Variants in KCNMB2 observed in about 807,000 individuals in gnomAD.
The protein encoded by KCNMB2 is potassium calcium-activated channel subfamily M regulatory beta subunit 2, also known as calcium-activated potassium channel subunit beta-2.
In KCNMB2, 9 loss-of-function variants were observed where a neutral mutation model predicts 24.5. The observed-to-expected ratio is 0.37, with a 90% CI of 0.22 to 0.64. KCNMB2 has a LOEUF of 0.64. Ranked by LOEUF, KCNMB2 falls within the 30% of genes least tolerant of loss-of-function variation. The pLI is 0.63. For missense variants in KCNMB2, 226 were observed against 284.3 expected, an observed-to-expected ratio of 0.79 and a Z score of 1.47; for synonymous variants, 109 against 104.4, an observed-to-expected ratio of 1.04 and a Z score of -0.27.
chr3:178,676,330 C>T (rs976308586), intron 1 of KCNMB2, among the ~76,000 whole-genome samples: 6 of 152,152 alleles, frequency 3.9e-5, no homozygotes, highest in African/African-American at 1.2e-4. Flanking sequence ...CAGTCTAATC[C>T]TTGGCAGACA....
intron 1 of KCNMB2, among the ~76,000 whole-genome samples, chr3:178,712,662 T>C (rs1380247248): frequency 6.6e-6 from 1 of 152,188 alleles, no homozygotes; most frequent in Non-Finnish European, 1.5e-5. Context: ...ACTTTACAGA[T>C]GGGGAACCTA....
chr3:178,837,175 G>A (rs3856778), intron 4 of KCNMB2, among the ~76,000 whole-genome samples: 98,016 of 152,046 alleles, frequency 0.64, 33,509 homozygotes, highest in African/African-American at 0.87. Context: ...TAATTTTCTC[G>A]TCTTAGAGAT....
chr3:178,837,243 T>A (rs965260482), intron 4 of KCNMB2, among the ~76,000 whole-genome samples: 1 of 152,182 alleles, frequency 6.6e-6, no homozygotes, highest in Admixed American at 6.6e-5. Flanking sequence ...TGTGGACAAA[T>A]GTGAAATTCC....
chr3:178,790,359 ACTT>A (rs1406679351), intron 1 of KCNMB2, among the ~76,000 whole-genome samples: 1 of 151,788 alleles, frequency 6.6e-6, no homozygotes, highest in Non-Finnish European at 1.5e-5. Context: ...ATAGAGAGAG[ACTT>A]CTTCTGTTGA....
At chr3:178,660,140 T>G (rs1279678295) in intron 1 of KCNMB2, among the ~76,000 whole-genome samples, 1 of 152,186 alleles carries the variant, frequency 6.6e-6, no homozygotes, top group Non-Finnish European at 1.5e-5. Flanking sequence ...CCATTTCTGC[T>G]ACTTATTACT....
intron 2 of KCNMB2, among the ~76,000 whole-genome samples, chr3:178,822,746 AC>A (rs1445655442): frequency 1.3e-5 from 2 of 152,340 alleles, no homozygotes; most frequent in East Asian, 1.9e-4. Flanking sequence ...CATATCAAAA[AC>A]ATTTGTTAAC....
chr3:178,580,254 A>G (rs1342697681), intron 1 of KCNMB2, among the ~76,000 whole-genome samples: 1 of 152,246 alleles, frequency 6.6e-6, no homozygotes, highest in Non-Finnish European at 1.5e-5. Context: ...ACACATAACC[A>G]GAACCAATGA....
intron 1 of KCNMB2, among the ~76,000 whole-genome samples, chr3:178,755,687 T>C (rs1294206027): frequency 6.6e-6 from 1 of 152,160 alleles, no homozygotes; most frequent in East Asian, 1.9e-4. Flanking sequence ...TCTGGGTTAT[T>C]ATTCCTTCAC....
intron 1 of KCNMB2, among the ~76,000 whole-genome samples, chr3:178,752,779 A>G (rs549043098): frequency 3.9e-5 from 6 of 152,332 alleles, no homozygotes; most frequent in Non-Finnish European, 8.8e-5. Context: ...GAGAGTAGAA[A>G]TTAAAGATGA....
Position 178,759,994 on chromosome 3 carries a change from A to AT in KCNMB2, c.-67-47348dup, listed in dbSNP as rs1233524517. On this transcript the variant is annotated intron_variant, in intron 1 of 4. Coordinates refer to ENST00000452583, the MANE Select transcript of KCNMB2 (RefSeq NM_181361.3). ...TATATATATATATCCAAGAGGATAT[A>AT]TATATATATATATATCCAAGAGGAT... Among the ~76,000 whole-genome samples the AT allele has an allele frequency of 1.6e-3, 53 of 32,938 alleles. 12 individuals are homozygous for AT. The highest frequency in any genetic ancestry group is 5.0e-3 in the South Asian group (5 of 996). 21.6% of individuals were successfully genotyped at this position (32,938 alleles called of 152,430 possible). A position where few individuals can be genotyped will look rare whatever the true frequency, so the allele number is the denominator to read the frequency against.
intron 1 of KCNMB2, among the ~76,000 whole-genome samples, chr3:178,769,649 A>T (rs1712263972): frequency 6.6e-6 from 1 of 152,230 alleles, no homozygotes; most frequent in Non-Finnish European, 1.5e-5. Flanking sequence ...TTAATTCAAA[A>T]ATTCAGAGAA....
Position 178,595,787 on chromosome 3 carries a change from A to G in KCNMB2, c.-68+59076A>G, listed in dbSNP as rs574719334. 2.6e-5 allele frequency among the ~76,000 whole-genome samples: 4 copies of G among 152,290 alleles called. No homozygotes were observed. The East Asian group carries it at 7.7e-4, about 29-fold the overall frequency. On this transcript the variant is annotated intron_variant, in intron 1 of 4. Coordinates refer to ENST00000452583, the MANE Select transcript of KCNMB2 (RefSeq NM_181361.3). ...TCTCGGGTATGTCTTTATTAGCAGC[A>G]TGAGAACGGACTAATAGAGGTGCCA...
chr3:178,552,929 C>T (rs181840574), intron 1 of KCNMB2, among the ~76,000 whole-genome samples: 1 of 152,254 alleles, frequency 6.6e-6, no homozygotes, highest in Non-Finnish European at 1.5e-5. Context: ...TTTGATGTTA[C>T]TCGTGTTTCG....
intron 1 of KCNMB2, among the ~76,000 whole-genome samples, chr3:178,621,037 TA>T (rs1718903174): frequency 6.6e-6 from 1 of 152,166 alleles, no homozygotes; most frequent in Non-Finnish European, 1.5e-5. Flanking sequence ...AGTTTTTTAG[TA>T]AGGCAATGCC....
intron 1 of KCNMB2, among the ~76,000 whole-genome samples, chr3:178,793,519 G>A (rs1460958588): frequency 1.3e-5 from 2 of 149,128 alleles, no homozygotes; most frequent in African/African-American, 4.8e-5. Flanking sequence ...CACCCTGGGG[G>A]GGTGGGCAAT....
At chr3:178,609,358 G>A (rs1192817834) in intron 1 of KCNMB2, among the ~76,000 whole-genome samples, 3 of 151,256 alleles carry the variant, frequency 2.0e-5, no homozygotes, top group African/African-American at 4.8e-5. Flanking sequence ...CTATAGAGTC[G>A]TTTGAGCTCC....
intron 1 of KCNMB2, among the ~76,000 whole-genome samples, chr3:178,739,593 A>G (rs973703062): frequency 5.9e-5 from 9 of 152,164 alleles, no homozygotes; most frequent in African/African-American, 2.2e-4. Flanking sequence ...TGAATTCAAG[A>G]GTGATTGTTG....
intron 1 of KCNMB2, among the ~76,000 whole-genome samples, chr3:178,581,769 C>T (rs901390166): frequency 2.6e-5 from 4 of 152,144 alleles, no homozygotes; most frequent in African/African-American, 9.7e-5. Flanking sequence ...TGAAAAAAAG[C>T]TCATCATCAG....
intron 1 of KCNMB2, among the ~76,000 whole-genome samples, chr3:178,544,160 C>T (rs1269628494): frequency 1.3e-5 from 2 of 152,008 alleles, no homozygotes; most frequent in Non-Finnish European, 2.9e-5. Context: ...AGGGTAAATG[C>T]CCACATGGTC....
Sources: allele counts gnomAD v4.1 joint callset (sites outside exome capture counted in the v4.1 genomes callset), GRCh38; gene constraint gnomAD v4.1.1; transcripts MANE v1.5; gene names NCBI Gene and HGNC (gene_info 2026-07-23, HGNC 2026-07-21).